The following GRID2 variants were observed in gnomAD, a reference collection of about 807,000 sequenced individuals.
GRID2 encodes glutamate ionotropic receptor delta type subunit 2, also known as glutamate receptor ionotropic, delta-2.
Under a neutral mutation model 114.8 loss-of-function variants are expected in GRID2, and 33 were observed. That is an observed-to-expected ratio of 0.29 (90% CI 0.22 to 0.38). GRID2 has a LOEUF of 0.38. Ranked by LOEUF, GRID2 falls within the 10% of genes least tolerant of loss-of-function variation. The pLI, the probability that GRID2 is intolerant of heterozygous loss-of-function variation, is 1.00. For synonymous variants in GRID2, 505 were observed against 449.9 expected (o/e 1.12, Z -1.55); for missense variants, 1,184 against 1,257.7 (o/e 0.94, Z 0.89).
chr4:92,410,176 C>G (rs961365932), intron 1 of GRID2, among the ~76,000 whole-genome samples: 1 of 152,184 alleles, frequency 6.6e-6, no homozygotes, highest in Non-Finnish European at 1.5e-5. Context: ...CATCTTCTAT[C>G]TGTCCTTGAA....
chr4:92,523,793 G>A (rs1195312831), intron 1 of GRID2, among the ~76,000 whole-genome samples: 1 of 151,940 alleles, frequency 6.6e-6, no homozygotes. Context: ...GGCTCAGAGA[G>A]TGGGAGTGAA....
chr4:93,782,310 A>G (rs1247078195), intron 1 of GRID2, among the ~76,000 whole-genome samples: 1 of 152,194 alleles, frequency 6.6e-6, no homozygotes, highest in Non-Finnish European at 1.5e-5. Flanking sequence ...CTTGTCTTAG[A>G]AAACGAACAA....
At chr4:92,932,797 A>C (rs547210738) in intron 2 of GRID2, among the ~76,000 whole-genome samples, 2 of 151,506 alleles carry the variant, frequency 1.3e-5, no homozygotes, top group South Asian at 4.2e-4. Context: ...TGAGCTAAAA[A>C]AGTCAGATAT....
chr4:93,608,138 C>G (rs1421085638), intron 13 of GRID2, among the ~76,000 whole-genome samples: 1 of 148,940 alleles, frequency 6.7e-6, no homozygotes, highest in Non-Finnish European at 1.5e-5. Flanking sequence ...ATATATACGT[C>G]TATGTGTATA....
At chr4:93,423,009 C>A in intron 10 of GRID2, 41 bp downstream of exon 10, 2 of 1,353,224 alleles carry the variant, frequency 1.5e-6, no homozygotes, top group Non-Finnish European at 2.1e-6. Flanking sequence ...CTTAAAGGTT[C>A]AATTATTTGT....
intron 11 of GRID2, among the ~76,000 whole-genome samples, chr4:93,479,043 C>T (rs1288394927): frequency 2.6e-5 from 4 of 152,036 alleles, no homozygotes; most frequent in Non-Finnish European, 4.4e-5. Context: ...ATTGCAGGTT[C>T]AGTTTTTGCC....
chr4:92,554,076 G>A (rs539667609), intron 1 of GRID2, among the ~76,000 whole-genome samples: 1 of 152,196 alleles, frequency 6.6e-6, no homozygotes, highest in South Asian at 2.1e-4. Context: ...AAATCACATA[G>A]GTATGTATAT....
intron 1 of GRID2, among the ~76,000 whole-genome samples, chr4:92,420,430 T>G (rs1731844034): frequency 6.6e-6 from 1 of 152,154 alleles, no homozygotes; most frequent in Non-Finnish European, 1.5e-5. Flanking sequence ...CAGGAGTCTG[T>G]TTATCACTGA....
intron 8 of GRID2, among the ~76,000 whole-genome samples, chr4:93,316,163 G>A (rs1756561538): frequency 6.6e-6 from 1 of 151,782 alleles, no homozygotes; most frequent in South Asian, 2.1e-4. Flanking sequence ...ATCTCAAAAA[G>A]GGGAGGTGGA....
chr4:92,461,993 A>T, intron 1 of GRID2, among the ~76,000 whole-genome samples: 2 of 152,086 alleles, frequency 1.3e-5, no homozygotes, highest in Middle Eastern at 6.8e-3. Context: ...AGCTATTTCT[A>T]TACAAATAGA....
intron 4 of GRID2, among the ~76,000 whole-genome samples, chr4:93,153,886 A>T (rs1296754649): frequency 2.0e-5 from 3 of 152,238 alleles, no homozygotes; most frequent in African/African-American, 7.2e-5. Context: ...CCTTCTTAAC[A>T]GATTTTTAGA....
At chr4:92,642,754 T>G (rs1731419807) in intron 2 of GRID2, among the ~76,000 whole-genome samples, 1 of 151,858 alleles carries the variant, frequency 6.6e-6, no homozygotes, top group Non-Finnish European at 1.5e-5. Flanking sequence ...ATAAGGAAAT[T>G]TCCTAGGTTT....
At chr4:92,499,025 A>G (rs1723540674) in intron 1 of GRID2, among the ~76,000 whole-genome samples, 1 of 151,756 alleles carries the variant, frequency 6.6e-6, no homozygotes, top group African/African-American at 2.4e-5. Flanking sequence ...TTAAAATCAA[A>G]TCTAGGGACA....
At chr4:93,330,875 G>A (rs1296223595) in intron 8 of GRID2, among the ~76,000 whole-genome samples, 1 of 152,012 alleles carries the variant, frequency 6.6e-6, no homozygotes, top group African/African-American at 2.4e-5. Flanking sequence ...ATCCAGACAA[G>A]GTAGTGATAG....
At chr4:93,753,391 C>T (rs909284960) in intron 14 of GRID2, among the ~76,000 whole-genome samples, 2 of 152,090 alleles carry the variant, frequency 1.3e-5, no homozygotes, top group African/African-American at 4.8e-5. Flanking sequence ...ATGTGCCCAA[C>T]GTGCAGGTTT....
intron 10 of GRID2, among the ~76,000 whole-genome samples, chr4:93,427,423 A>C (rs1178221041): frequency 6.6e-6 from 1 of 152,018 alleles, no homozygotes; most frequent in Non-Finnish European, 1.5e-5. Flanking sequence ...ATCTCTGTAC[A>C]AGACAGTAAG....
chr4:93,675,882 A>G (rs1462682315), intron 14 of GRID2, among the ~76,000 whole-genome samples: 1 of 152,224 alleles, frequency 6.6e-6, no homozygotes, highest in Non-Finnish European at 1.5e-5. Context: ...TTTCCACTCC[A>G]AAGAATTTCC....
chr4:92,596,470 C>T (rs1327172021), intron 2 of GRID2, among the ~76,000 whole-genome samples: 1 of 152,016 alleles, frequency 6.6e-6, no homozygotes, highest in African/African-American at 2.4e-5. Context: ...TGACTAAACC[C>T]CCTGTTTTCC....
At chr4:92,741,978 A>G (rs956378682) in intron 2 of GRID2, among the ~76,000 whole-genome samples, 2 of 152,204 alleles carry the variant, frequency 1.3e-5, no homozygotes, top group Non-Finnish European at 2.9e-5. Context: ...GTGTGTACAG[A>G]TAATATTTCA....
Sources: gnomAD v4.1 joint callset for allele counts (sites outside exome capture counted in the v4.1 genomes callset) on GRCh38, gnomAD v4.1.1 for gene constraint, MANE v1.5 for transcripts, NCBI Gene and HGNC (gene_info 2026-07-23, HGNC 2026-07-21) for gene names.